PAX7: variants seen among roughly 807,000 people sequenced by gnomAD.
PAX7 encodes the protein paired box protein Pax-7.
Under a neutral mutation model 50.7 loss-of-function variants are expected in PAX7, and 18 were observed. That is an observed-to-expected ratio of 0.36 (90% CI 0.25 to 0.53). PAX7 has a LOEUF of 0.53. PAX7 is among the 20% of genes least tolerant of loss of function. The probability of loss-of-function intolerance (pLI) is 0.93; values close to 1 mark genes in which losing one functional copy is unlikely to be tolerated. For missense variants in PAX7, 644 were observed against 702.9 expected (o/e 0.92, Z 0.95); for synonymous variants, 310 against 290.4 (o/e 1.07, Z -0.69).
intron 4 of PAX7, among the ~76,000 whole-genome samples, chr1:18,655,930 A>T (rs767996219): frequency 6.6e-6 from 1 of 152,018 alleles, no homozygotes; most frequent in Non-Finnish European, 1.5e-5. Flanking sequence ...TCTGTGTTTC[A>T]TCAAAGGCGG....
intron 4 of PAX7, among the ~76,000 whole-genome samples, chr1:18,646,978 T>TG (rs1434717524): frequency 1.3e-4 from 1 of 7,494 alleles, no homozygotes; most frequent in Non-Finnish European, 2.8e-4. Flanking sequence ...GGGGGTGGGG[T>TG]GGGGGGGAGG....
At chr1:18,698,964 G>A (rs1296901546) in intron 5 of PAX7, among the ~76,000 whole-genome samples, 2 of 152,192 alleles carry the variant, frequency 1.3e-5, no homozygotes, top group African/African-American at 4.8e-5. Context: ...AGAGATTTGG[G>A]GGTCTTGGGT....
intron 4 of PAX7, among the ~76,000 whole-genome samples, chr1:18,684,698 C>G (rs747040550): frequency 6.6e-6 from 1 of 152,352 alleles, no homozygotes; most frequent in Non-Finnish European, 1.5e-5. Flanking sequence ...CAGCTCTGCC[C>G]GAATTACTTG....
rs2089211848 is a variant in PAX7 at position 18,700,986 on chromosome 1, C to T, written c.952+168C>T. 6.6e-6 allele frequency among the ~76,000 whole-genome samples: 1 copy of T among 152,164 alleles called. No homozygotes were observed. Among genetic ancestry groups the T allele is most frequent in the African/African-American group, 2.4e-5 (1 of 41,438 alleles). Reference sequence around the variant, plus strand: ...CTGCCCTTGAAATTCTTGGCCCTGACACAGAGCAGCCAGGTGGGATCCCCA... The same window carrying T: ...CTGCCCTTGAAATTCTTGGCCCTGATACAGAGCAGCCAGGTGGGATCCCCA... On this transcript the variant is annotated intron_variant, in intron 6 of 8. Transcript: ENST00000420770. This position sits in a 1 kb window ranked among gnomAD's most constrained non-coding sequence, Gnocchi z 4.8.
At chr1:18,738,125 TGTG>T (rs1189850023) in intron 8 of PAX7, among the ~76,000 whole-genome samples, 1 of 151,974 alleles carries the variant, frequency 6.6e-6, no homozygotes, top group African/African-American at 2.4e-5. Flanking sequence ...AGACATACAC[TGTG>T]TCTGTGTGTA....
chr1:18,631,307 C>T lies in PAX7; in HGVS notation c.-297C>T. 1 of 319,488 alleles carries T rather than the reference C, an allele frequency of 3.1e-6. No individual in the cohort carries two copies. Among genetic ancestry groups the T allele is most frequent in the Non-Finnish European group, 5.8e-6 (1 of 172,266 alleles). The allele number at this position is 319,488 out of a possible 1,614,324, so 19.8% of individuals were successfully genotyped here. A position where few individuals can be genotyped will look rare whatever the true frequency, so the allele number is the denominator to read the frequency against. The stretch of plus-strand genomic sequence containing the variant: ...CAGCCCGCACAACTTCTGGCCGAGG[C>T]CAGCCGGCAGAGGCGGACTTGGGGT... On this transcript the variant is annotated 5_prime_UTR_variant, in exon 1 of 9. Coordinates refer to ENST00000420770, the MANE Select transcript of PAX7 (RefSeq NM_001135254.2).
At chr1:18,643,169 C>A (rs947761771) in intron 4 of PAX7, among the ~76,000 whole-genome samples, 3 of 152,114 alleles carry the variant, frequency 2.0e-5, no homozygotes, top group African/African-American at 7.2e-5. Context: ...GCGTGCCAGG[C>A]CCCCGGTTTG....
chr1:18,705,968 C>A (rs924665058), intron 7 of PAX7, among the ~76,000 whole-genome samples: 1 of 152,100 alleles, frequency 6.6e-6, no homozygotes, highest in Admixed American at 6.5e-5. Context: ...TGGAGGAGGG[C>A]GGGTGCAGGG....
chr1:18,672,596 G>GTT (rs1034079316), intron 4 of PAX7, among the ~76,000 whole-genome samples: 9,853 of 124,904 alleles, frequency 0.079, 497 homozygotes, highest in East Asian at 0.12. Flanking sequence ...AGAGCACTGT[G>GTT]TTTTTTTTTT....
chr1:18,674,166 G>A (rs1488463580), intron 4 of PAX7, among the ~76,000 whole-genome samples: 1 of 152,246 alleles, frequency 6.6e-6, no homozygotes, highest in Non-Finnish European at 1.5e-5. Flanking sequence ...CCATGGGCCA[G>A]GCCCTCTTCT....
chr1:18,727,364 T>TCTCC (rs2089586436), intron 7 of PAX7, among the ~76,000 whole-genome samples: 1 of 119,596 alleles, frequency 8.4e-6, no homozygotes, highest in African/African-American at 3.5e-5. Flanking sequence ...TCTCTCTCTC[T>TCTCC]CTCTCATACA....
intron 8 of PAX7, among the ~76,000 whole-genome samples, chr1:18,743,446 C>T (rs1196377356): frequency 6.6e-6 from 1 of 152,264 alleles, no homozygotes; most frequent in African/African-American, 2.4e-5. Context: ...GAACCTCCAA[C>T]CTTGGGGAAG....
intron 4 of PAX7, among the ~76,000 whole-genome samples, chr1:18,686,553 T>A (rs1242722351): frequency 6.6e-6 from 1 of 152,192 alleles, no homozygotes; most frequent in Non-Finnish European, 1.5e-5. Flanking sequence ...AGGTACCTGC[T>A]TTTGGTACAC....
chr1:18,715,840 G>A (rs945808918), intron 7 of PAX7, among the ~76,000 whole-genome samples: 12 of 152,188 alleles, frequency 7.9e-5, no homozygotes, highest in African/African-American at 2.4e-4. Context: ...GTGCCACCAG[G>A]GGCCAAGGTC....
rs1557554145 is a variant in PAX7, at chr1:18,726,005, C to CGT, written c.1156-9625_1156-9624dup. Among the ~76,000 whole-genome samples the CGT allele has an allele frequency of 2.1e-5, 3 of 143,636 alleles. No homozygotes were observed. Among genetic ancestry groups the CGT allele is most frequent in the African/African-American group, 8.0e-5 (3 of 37,634 alleles). 94.2% of individuals were successfully genotyped at this position (143,636 alleles called of 152,430 possible). On this transcript the variant is annotated intron_variant, in intron 7 of 8. Coordinates refer to ENST00000420770, the MANE Select transcript of PAX7 (RefSeq NM_001135254.2). The surrounding 1 kb of genome is among the most constrained non-coding windows in gnomAD (Gnocchi z 4.8). ...GTGTGTGTGTGTGTGCGCGCGCGCG[C>CGT]GTGCGCGCGTGTGTGTGCGTGTGTT...
chr1:18,713,008 G>A (rs3819344), intron 7 of PAX7, among the ~76,000 whole-genome samples: 69,711 of 151,960 alleles, frequency 0.46, 17,780 homozygotes, highest in Non-Finnish European at 0.58. Context: ...TTTGAATCCA[G>A]GAGGCGGAGG....
At position 18,744,689 on chromosome 1, in the gene PAX7, AATGGATGGATGGATGG is replaced by A. The variant is rs71027398; in HGVS notation, c.1403-88_1403-73del. ...GGATGGATGGATGGATGGATGGATA[AATGGATGGATGGATGG>A]ATGGATGGATGGATGGATGGATGGA... is the stretch of plus-strand genomic sequence containing the variant. On this transcript the variant is annotated intron_variant, in intron 8 of 8. Coordinates refer to ENST00000420770, the MANE Select transcript of PAX7 (RefSeq NM_001135254.2). 103 of 413,490 alleles carry A rather than the reference AATGGATGGATGGATGG, an allele frequency of 2.5e-4. 1 individual carries two copies. The highest frequency in any genetic ancestry group is 3.2e-4 in the Non-Finnish European group (73 of 225,238). The allele number at this position is 413,490 out of a possible 1,614,324, so 25.6% of individuals were successfully genotyped here. A position where few individuals can be genotyped will look rare whatever the true frequency, so the allele number is the denominator to read the frequency against.
intron 7 of PAX7, among the ~76,000 whole-genome samples, chr1:18,722,960 C>G (rs183841947): frequency 6.6e-5 from 10 of 152,330 alleles, no homozygotes; most frequent in Admixed American, 5.2e-4. Flanking sequence ...CCTCAAACCC[C>G]TCCAAGGGCC....
rs147823686 is a variant in PAX7 at position 18,641,348 on chromosome 1, A to G, written c.586+4977A>G. 4.8e-3 allele frequency among the ~76,000 whole-genome samples: 725 copies of G among 152,186 alleles called. 8 individuals are homozygous for G. Among genetic ancestry groups the G allele is most frequent in the African/African-American group, 0.017 (693 of 41,530 alleles). On this transcript the variant is annotated intron_variant, in intron 4 of 8. Coordinates refer to ENST00000420770, the MANE Select transcript of PAX7 (RefSeq NM_001135254.2). ...TCTGGGAAGGGGTGGAAGGGAGGGG[A>G]CTGGGAGCTGCGGAAGAGCTGAGTG...
Sources: allele counts gnomAD v4.1 joint callset (sites outside exome capture counted in the v4.1 genomes callset), GRCh38; gene constraint gnomAD v4.1.1; non-coding constraint Gnocchi (gnomAD v3.1); transcripts MANE v1.5; gene names NCBI Gene and HGNC (gene_info 2026-07-23, HGNC 2026-07-21).